Variants in POLR3B observed in about 807,000 individuals in gnomAD.
POLR3B encodes DNA-directed RNA polymerase III subunit RPC2.
In POLR3B, 96 loss-of-function variants were observed where a neutral mutation model predicts 147.4. The ratio of observed to expected loss-of-function variants is 0.65; its 90% CI spans 0.55 to 0.77. The LOEUF is 0.77. Ranked by LOEUF, POLR3B falls within the 30% of genes least tolerant of loss-of-function variation. The pLI is 0.00. For missense variants in POLR3B, 1,036 were observed against 1,413.5 expected, an observed-to-expected ratio of 0.73 and a Z score of 4.28; for synonymous variants, 461 against 485.9, an observed-to-expected ratio of 0.95 and a Z score of 0.67.
intron 2 of POLR3B, among the ~76,000 whole-genome samples, chr12:106,366,257 T>C (rs2036534240): frequency 6.6e-6 from 1 of 152,214 alleles, no homozygotes; most frequent in Non-Finnish European, 1.5e-5. Context: ...CATATTTTGA[T>C]TTCCGAGAGT....
chr12:106,423,719 C>T (rs1445895865), intron 12 of POLR3B, among the ~76,000 whole-genome samples: 1 of 152,154 alleles, frequency 6.6e-6, no homozygotes, highest in Admixed American at 6.5e-5. Flanking sequence ...CCTTACTCAG[C>T]CCACTGATTG....
intron 9 of POLR3B, among the ~76,000 whole-genome samples, chr12:106,390,079 A>G (rs1349761464): frequency 2.0e-5 from 3 of 152,114 alleles, no homozygotes; most frequent in African/African-American, 7.2e-5. Context: ...TTAGCTGGGC[A>G]TGGTGGCAGA....
chr12:106,433,817 A>G lies in POLR3B; in HGVS notation c.1726A>G (p.Thr576Ala). ...TATCAATGAATTTGTTTCCATCTCA[A>G]CAAATCTTACAGATCGATGTGTCTA... ...GYINEFVSISTNLTDRCVYIS... is the reference protein window; with the variant it reads ...GYINEFVSISANLTDRCVYIS... Residue 576 changes from threonine (T) to alanine (A), a missense_variant, in exon 16 of 28, where the codon ACA (threonine) becomes GCA (alanine). By Grantham distance (58) the Thr-to-Ala change is moderately conservative. This residue lies in a region of POLR3B where 177 missense variants were observed against 232.7 expected (regional missense o/e 0.76). Transcript: ENST00000228347. 1 of 1,613,682 alleles carries G rather than the reference A, an allele frequency of 6.2e-7. No individual in the cohort carries two copies. The highest frequency in any genetic ancestry group is 2.2e-5 in the East Asian group (1 of 44,848).
intron 12 of POLR3B, among the ~76,000 whole-genome samples, chr12:106,417,371 A>C (rs1484624678): frequency 6.6e-6 from 1 of 152,178 alleles, no homozygotes; most frequent in Non-Finnish European, 1.5e-5. Context: ...ACCCAGGTGG[A>C]GGCTGGATCA....
intron 22 of POLR3B, among the ~76,000 whole-genome samples, chr12:106,460,768 C>A (rs1199640063): frequency 3.9e-5 from 6 of 152,142 alleles, no homozygotes; most frequent in Non-Finnish European, 7.4e-5. Context: ...TTTCTGTCAT[C>A]TTCTCTTTTA....
intron 23 of POLR3B, among the ~76,000 whole-genome samples, chr12:106,495,561 G>C (rs979084133): frequency 6.6e-6 from 1 of 152,160 alleles, no homozygotes; most frequent in Non-Finnish European, 1.5e-5. Flanking sequence ...CCACACACAG[G>C]TACTTCTTGT....
At chr12:106,463,359 G>A (rs2037965025) in intron 22 of POLR3B, 119 bp from the exon 23 acceptor site, 2 of 872,486 alleles carry the variant, frequency 2.3e-6, no homozygotes, top group East Asian at 2.5e-5. Flanking sequence ...ATTTTTCAGA[G>A]CCCAAGATGA....
chr12:106,387,649 G>C (rs923423377), intron 9 of POLR3B, among the ~76,000 whole-genome samples: 2 of 152,172 alleles, frequency 1.3e-5, no homozygotes, highest in African/African-American at 4.8e-5. Context: ...GAATTTGTTT[G>C]ATAACCACTA....
intron 1 of POLR3B, among the ~76,000 whole-genome samples, chr12:106,360,732 A>C (rs1440453986): frequency 1.3e-5 from 2 of 152,222 alleles, no homozygotes; most frequent in Non-Finnish European, 2.9e-5. Context: ...TTACTTGTTG[A>C]ATAAATATTT....
At chr12:106,406,015 G>A in intron 11 of POLR3B, 39 bp downstream of exon 11, 1 of 1,608,020 alleles carries the variant, frequency 6.2e-7, no homozygotes, top group East Asian at 2.2e-5. Context: ...GGACTGTGGG[G>A]TCTGTGAATT....
intron 18 of POLR3B, among the ~76,000 whole-genome samples, chr12:106,443,001 C>A (rs901341542): frequency 7.9e-5 from 12 of 152,122 alleles, no homozygotes; most frequent in African/African-American, 2.7e-4. Context: ...CCAGTACTAC[C>A]CATAGCAGAG....
intron 22 of POLR3B, among the ~76,000 whole-genome samples, chr12:106,461,098 CT>C (rs1013073572): frequency 4.8e-4 from 70 of 146,524 alleles, no homozygotes; most frequent in Non-Finnish European, 6.0e-4. Context: ...TCAAGAAATA[CT>C]TTTTTTTTTT....
rs190322988 is a variant in POLR3B at position 106,399,185 on chromosome 12, C to G, written c.846+6032C>G. 2.7e-3 allele frequency among the ~76,000 whole-genome samples: 407 copies of G among 152,242 alleles called. 1 individual carries two copies. Among genetic ancestry groups the G allele is most frequent in the Non-Finnish European group, 4.6e-3 (314 of 68,024 alleles). On this transcript the variant is annotated intron_variant, in intron 10 of 27. Transcript: ENST00000228347. ...AGGCACGAGAACTATGTGACGAATG[C>G]AGAAGCCTCAGTAGCCGATGCAACT...
At chr12:106,489,571 T>C (rs1488932600) in intron 23 of POLR3B, among the ~76,000 whole-genome samples, 1 of 152,192 alleles carries the variant, frequency 6.6e-6, no homozygotes, top group African/African-American at 2.4e-5. Flanking sequence ...AAAGAATCTT[T>C]TTACAGTAGA....
intron 22 of POLR3B, among the ~76,000 whole-genome samples, chr12:106,462,068 C>T (rs2037945046): frequency 6.6e-6 from 1 of 152,180 alleles, no homozygotes; most frequent in African/African-American, 2.4e-5. Flanking sequence ...GACTCCTTTC[C>T]TTTACCTGCC....
At chr12:106,389,202 T>C (rs761008402) in intron 9 of POLR3B, among the ~76,000 whole-genome samples, 9 of 152,240 alleles carry the variant, frequency 5.9e-5, no homozygotes, top group Non-Finnish European at 1.3e-4. Flanking sequence ...GAAGGCTAAA[T>C]AGTCATAAAG....
At chr12:106,416,590 T>G (rs147895264) in intron 12 of POLR3B, among the ~76,000 whole-genome samples, 3,041 of 152,250 alleles carry the variant, frequency 0.02, 51 homozygotes, top group African/African-American at 0.032. Context: ...AGATGTAGGT[T>G]TCAAAGTTTT....
chr12:106,461,395 A>AAT (rs1408126466), intron 22 of POLR3B, among the ~76,000 whole-genome samples: 1 of 152,158 alleles, frequency 6.6e-6, no homozygotes, highest in Non-Finnish European at 1.5e-5. Flanking sequence ...GCCCTTAAAA[A>AAT]ATACTTTTTG....
chr12:106,384,853 C>T (rs1184028008), intron 9 of POLR3B, among the ~76,000 whole-genome samples: 8 of 144,764 alleles, frequency 5.5e-5, no homozygotes, highest in African/African-American at 1.0e-4. Flanking sequence ...TTTGAGATGG[C>T]GTTTCGCTCT....
Sources: gnomAD v4.1 joint callset for allele counts (sites outside exome capture counted in the v4.1 genomes callset) on GRCh38, gnomAD v4.1.1 for gene constraint, gnomAD v4.1.1 regional missense constraint, MANE v1.5 for transcripts, NCBI Gene and HGNC (gene_info 2026-07-23, HGNC 2026-07-21) for gene names.